OXR1: variants seen among roughly 807,000 people sequenced by gnomAD.
OXR1 encodes oxidation resistance 1.
A neutral mutation model predicts 104.6 loss-of-function variants in OXR1; 41 were observed. That is an observed-to-expected ratio of 0.39 (90% CI 0.31 to 0.51). The LOEUF is 0.51. Among genes scored for constraint, OXR1 ranks in the 20% least tolerant of loss-of-function variants. The pLI, the probability that OXR1 is intolerant of heterozygous loss-of-function variation, is 0.77. For missense variants in OXR1, 955 were observed against 1,031.9 expected, an observed-to-expected ratio of 0.93 and a Z score of 1.02; for synonymous variants, 348 against 348.4, an observed-to-expected ratio of 1.00 and a Z score of 0.01.
intron 2 of OXR1, among the ~76,000 whole-genome samples, chr8:106,499,519 G>GT (rs1013405325): frequency 2.0e-5 from 3 of 152,074 alleles, no homozygotes; most frequent in East Asian, 1.9e-4. Flanking sequence ...TATTTAGAGG[G>GT]TTTTTTTCCA....
intron 3 of OXR1, among the ~76,000 whole-genome samples, chr8:106,554,756 T>G (rs559875098): frequency 6.6e-6 from 1 of 152,302 alleles, no homozygotes; most frequent in South Asian, 2.1e-4. Flanking sequence ...ACCAGTGCTC[T>G]AAGCCAATGT....
chr8:106,742,602 A>G (rs1835014285), intron 15 of OXR1: 1 of 214,840 alleles, frequency 4.7e-6, no homozygotes, highest in Admixed American at 5.9e-5. Context: ...GAACAGACAC[A>G]TAGACCAATG....
At chr8:106,363,678 A>G (rs535840767) in intron 2 of OXR1, among the ~76,000 whole-genome samples, 2 of 152,050 alleles carry the variant, frequency 1.3e-5, no homozygotes, top group African/African-American at 2.4e-5. Flanking sequence ...ATCATCACCT[A>G]TAGAGGCTGG....
At chr8:106,529,360 T>C (rs553975946) in intron 3 of OXR1, among the ~76,000 whole-genome samples, 2 of 152,322 alleles carry the variant, frequency 1.3e-5, no homozygotes, top group South Asian at 4.1e-4. Flanking sequence ...AAACATGAGA[T>C]TAAGGAAATC....
intron 2 of OXR1, among the ~76,000 whole-genome samples, chr8:106,496,920 G>A (rs1432295458): frequency 6.6e-6 from 1 of 152,196 alleles, no homozygotes; most frequent in African/African-American, 2.4e-5. Context: ...GTAGACCAAT[G>A]TAAACCAAAG....
At chr8:106,540,791 C>T (rs577901661) in intron 3 of OXR1, among the ~76,000 whole-genome samples, 8 of 152,252 alleles carry the variant, frequency 5.3e-5, no homozygotes, top group East Asian at 1.9e-4. Context: ...AGAGAGAGCT[C>T]GTGCAGGCAA....
intron 2 of OXR1, among the ~76,000 whole-genome samples, chr8:106,484,912 AT>A (rs1822355849): frequency 6.6e-6 from 1 of 152,120 alleles, no homozygotes. Context: ...AATTATCAAA[AT>A]TTGGAAGCAA....
chr8:106,405,323 G>C (rs1421797041), intron 2 of OXR1, among the ~76,000 whole-genome samples: 1 of 150,742 alleles, frequency 6.6e-6, no homozygotes, highest in Admixed American at 6.6e-5. Context: ...TGGTGGCATA[G>C]TTCAAAGGCC....
intron 1 of OXR1, among the ~76,000 whole-genome samples, chr8:106,310,430 G>A (rs936928597): frequency 2.0e-5 from 3 of 152,016 alleles, no homozygotes; most frequent in Non-Finnish European, 2.9e-5. Context: ...ATTCTGCTGC[G>A]CCACTGTCAT....
chr8:106,506,382 G>C (rs2129991204), intron 2 of OXR1, among the ~76,000 whole-genome samples: 1 of 152,308 alleles, frequency 6.6e-6, no homozygotes, highest in Non-Finnish European at 1.5e-5. Flanking sequence ...GGGAGGCCAA[G>C]GTGGGCGGAT....
At chr8:106,693,534 A>G (rs1166654068) in intron 7 of OXR1, among the ~76,000 whole-genome samples, 3 of 151,194 alleles carry the variant, frequency 2.0e-5, no homozygotes, top group African/African-American at 2.4e-5. Context: ...GGTTCAAGCA[A>G]TTCTCCTGCC....
chr8:106,324,091 C>A (rs776373121), intron 1 of OXR1, among the ~76,000 whole-genome samples: 20 of 152,128 alleles, frequency 1.3e-4, no homozygotes, highest in Admixed American at 3.3e-4. Flanking sequence ...TTCACAATGG[C>A]AAAGACATGG....
At chr8:106,541,721 T>C (rs533506424) in intron 3 of OXR1, among the ~76,000 whole-genome samples, 1 of 152,076 alleles carries the variant, frequency 6.6e-6, no homozygotes, top group Non-Finnish European at 1.5e-5. Context: ...ATGGAAACAG[T>C]TGATTTCAGT....
At chr8:106,426,833 A>G (rs929400237) in intron 2 of OXR1, among the ~76,000 whole-genome samples, 3 of 152,212 alleles carry the variant, frequency 2.0e-5, no homozygotes, top group Non-Finnish European at 2.9e-5. Context: ...ATTGGATACT[A>G]TTATTATAAT....
At chr8:106,618,984 G>C (rs564943208) in intron 3 of OXR1, among the ~76,000 whole-genome samples, 1 of 152,008 alleles carries the variant, frequency 6.6e-6, no homozygotes, top group African/African-American at 2.4e-5. Context: ...GATATAAAAA[G>C]AACTGAGGCG....
intron 1 of OXR1, among the ~76,000 whole-genome samples, chr8:106,339,520 ATATATATAT>A (rs374821108): frequency 0.038 from 307 of 8,184 alleles, 27 homozygotes; most frequent in South Asian, 0.1. Flanking sequence ...AAAAAAAAAA[ATATATATAT>A]ATATATATAT....
Position 106,713,914 on chromosome 8 carries a change from G to C in OXR1, c.1885G>C (p.Val629Leu). The C allele has an allele frequency of 6.3e-7, 1 of 1,595,162 alleles. No individual in the cohort carries two copies. The highest frequency in any genetic ancestry group is 8.5e-7 in the Non-Finnish European group (1 of 1,174,050). Residue 629 changes from valine (V) to leucine (L), a missense_variant, in exon 11 of 17, where the codon GTA becomes CTA. Physicochemically the swap from Val to Leu is conservative, Grantham distance 32. This residue lies in a region of OXR1 where 849 missense variants were observed against 852.9 expected (regional missense o/e 1.00). Transcript: ENST00000517566. The part of the protein sequence containing the change: ...GEYTREPGFI[V>L]VKKIEESETI... ...ATATACCAGAGAACCTGGATTTATA[G>C]TAGTAAAAAAGATTGAGGAGTCTGA... is the stretch of plus-strand genomic sequence containing the variant.
At chr8:106,698,114 C>G (rs1830244972) in intron 7 of OXR1, 1 of 717,244 alleles carries the variant, frequency 1.4e-6, no homozygotes, top group African/African-American at 1.8e-5. Flanking sequence ...TTCTTACATG[C>G]TTATTTTCTA....
At chr8:106,322,213 C>G (rs976525866) in intron 1 of OXR1, among the ~76,000 whole-genome samples, 1 of 152,160 alleles carries the variant, frequency 6.6e-6, no homozygotes, top group African/African-American at 2.4e-5. Flanking sequence ...ATCAAGTTGG[C>G]TTCGTCCCTG....
Sources: allele counts gnomAD v4.1 joint callset (sites outside exome capture counted in the v4.1 genomes callset), GRCh38; gene constraint gnomAD v4.1.1; regional missense constraint gnomAD v4.1.1; transcripts MANE v1.5; gene names NCBI Gene and HGNC (gene_info 2026-07-23, HGNC 2026-07-21).